Variants in AFF3 observed in about 807,000 individuals in gnomAD.
AFF3 encodes ALF transcription elongation factor 3.
AFF3 carries 32 observed loss-of-function variants against 129.7 expected under a neutral mutation model. That is an observed-to-expected ratio of 0.25 (90% CI 0.19 to 0.33). The LOEUF is 0.33. AFF3 is among the 10% of genes least tolerant of loss of function. The pLI, the probability that AFF3 is intolerant of heterozygous loss-of-function variation, is 1.00. For synonymous variants in AFF3, 644 were observed against 635.4 expected (o/e 1.01, Z -0.20); for missense variants, 1,373 against 1,592.0 (o/e 0.86, Z 2.34).
chr2:99,899,788 A>G (rs933884107), intron 7 of AFF3, among the ~76,000 whole-genome samples: 1 of 152,236 alleles, frequency 6.6e-6, no homozygotes, highest in African/African-American at 2.4e-5. Flanking sequence ...GTCAAGTCCT[A>G]ATGAAATAGA....
chr2:99,837,521 T>C lies in AFF3; in HGVS notation c.877A>G (p.Ser293Gly), dbSNP rs1380543795. The change falls in exon 8 of 25, where the codon AGT becomes GGT. Residue 293 changes from serine (S) to glycine (G), a missense_variant. Coordinates refer to ENST00000672756, the MANE Select transcript of AFF3 (RefSeq NM_001386135.1). Reference protein sequence around the residue: ...KFSIPKQGEESRSGETNSCVE... With the variant: ...KFSIPKQGEEGRSGETNSCVE... ...CAGCTGTTGGTTTCTCCAGATCTAC[T>C]CTCCTGAAAGCAAAGAAAAAAAAAT... 4.3e-6 allele frequency: 7 copies of C among 1,613,304 alleles called. No individual in the cohort carries two copies. Among genetic ancestry groups the C allele is most frequent in the Non-Finnish European group, 5.1e-6 (6 of 1,179,738 alleles).
chr2:99,662,655 C>G (rs1686350249), intron 12 of AFF3, among the ~76,000 whole-genome samples: 1 of 152,150 alleles, frequency 6.6e-6, no homozygotes, highest in Non-Finnish European at 1.5e-5. Context: ...CAAAAACTGT[C>G]TAGCTCTTGT....
At chr2:99,650,366 C>T (rs1685122438) in intron 12 of AFF3, among the ~76,000 whole-genome samples, 1 of 151,936 alleles carries the variant, frequency 6.6e-6, no homozygotes, top group African/African-American at 2.4e-5. Context: ...CAAGACCAGC[C>T]TGGCCAACAT....
intron 8 of AFF3, among the ~76,000 whole-genome samples, chr2:99,768,166 T>C (rs999531270): frequency 2.0e-5 from 3 of 152,210 alleles, no homozygotes; most frequent in African/African-American, 7.2e-5. Flanking sequence ...ATTGAAAAAG[T>C]ATTTATTGAA....
intron 4 of AFF3, among the ~76,000 whole-genome samples, chr2:100,043,042 A>T (rs1336046737): frequency 7.9e-5 from 12 of 151,046 alleles, no homozygotes; most frequent in Non-Finnish European, 1.5e-4. Flanking sequence ...TTTTTTTTTT[A>T]AACACAGAGA....
chr2:99,873,889 G>T (rs1692068517), intron 7 of AFF3, among the ~76,000 whole-genome samples: 1 of 152,058 alleles, frequency 6.6e-6, no homozygotes, highest in Admixed American at 6.6e-5. Context: ...TCTTTAAGAA[G>T]CTGGGCCGGG....
chr2:99,741,913 T>C (rs1680751894), intron 10 of AFF3, among the ~76,000 whole-genome samples: 1 of 152,208 alleles, frequency 6.6e-6, no homozygotes, highest in South Asian at 2.1e-4. Flanking sequence ...TCATGATTCC[T>C]AACCATATAC....
At chr2:100,045,099 C>T (rs1246379841) in intron 4 of AFF3, among the ~76,000 whole-genome samples, 1 of 151,914 alleles carries the variant, frequency 6.6e-6, no homozygotes, top group East Asian at 1.9e-4. Context: ...AGGGCTGTGG[C>T]TGGTCAGGAA....
intron 7 of AFF3, among the ~76,000 whole-genome samples, chr2:99,879,464 C>G (rs780978753): frequency 6.6e-6 from 1 of 152,274 alleles, no homozygotes; most frequent in East Asian, 1.9e-4. Context: ...AAAACTACAG[C>G]GTGTGTATCA....
chr2:99,999,330 G>A (rs569713435), intron 7 of AFF3, among the ~76,000 whole-genome samples: 26 of 152,308 alleles, frequency 1.7e-4, no homozygotes, highest in South Asian at 2.1e-4. Flanking sequence ...CAGGGATTAC[G>A]GAGGCCCCAA....
At chr2:99,952,003 TGC>T (rs1172652011) in intron 7 of AFF3, among the ~76,000 whole-genome samples, 10 of 152,246 alleles carry the variant, frequency 6.6e-5, no homozygotes, top group African/African-American at 2.4e-4. Context: ...TAAGCTGCCT[TGC>T]TTAGAGAGCA....
intron 4 of AFF3, among the ~76,000 whole-genome samples, chr2:100,068,952 T>G (rs948498404): frequency 7.2e-5 from 11 of 152,144 alleles, no homozygotes; most frequent in African/African-American, 9.7e-5. Flanking sequence ...AACCAAACCT[T>G]GTATTTTTTA....
intron 13 of AFF3, among the ~76,000 whole-genome samples, chr2:99,648,911 A>ACTCTCTCTCTCT (rs1310405470): frequency 3.9e-4 from 14 of 36,240 alleles, no homozygotes; most frequent in Non-Finnish European, 7.5e-4. Context: ...ACACACACAC[A>ACTCTCTCTCTCT]CACACACTCT....
intron 7 of AFF3, among the ~76,000 whole-genome samples, chr2:99,882,055 GTC>G (rs754624516): frequency 8.6e-4 from 127 of 147,304 alleles, no homozygotes; most frequent in Non-Finnish European, 9.1e-4. Flanking sequence ...TCATTTGCCT[GTC>G]TCTCTCTCTC....
chr2:99,721,620 T>C (rs1678901373), intron 11 of AFF3, among the ~76,000 whole-genome samples: 1 of 152,230 alleles, frequency 6.6e-6, no homozygotes, highest in Non-Finnish European at 1.5e-5. Flanking sequence ...CTTTGCACTG[T>C]ATTACATATT....
At chr2:99,603,025 C>T (rs1023189789) in intron 13 of AFF3, among the ~76,000 whole-genome samples, 3 of 152,178 alleles carry the variant, frequency 2.0e-5, no homozygotes, top group African/African-American at 7.2e-5. Context: ...ATTTCTTCCA[C>T]CAATGTCACG....
At chr2:99,987,990 T>C (rs1294235512) in intron 7 of AFF3, among the ~76,000 whole-genome samples, 2 of 152,026 alleles carry the variant, frequency 1.3e-5, no homozygotes, top group Non-Finnish European at 1.5e-5. Context: ...GTGCCAAGGA[T>C]ATAAAGATGA....
chr2:100,121,652 T>C (rs1047587443), intron 2 of AFF3, among the ~76,000 whole-genome samples: 3 of 152,148 alleles, frequency 2.0e-5, no homozygotes, highest in African/African-American at 7.2e-5. Flanking sequence ...TCAAAGCATA[T>C]GCAAAGGCAC....
intron 7 of AFF3, among the ~76,000 whole-genome samples, chr2:99,915,096 G>A (rs2106216389): frequency 6.6e-6 from 1 of 152,208 alleles, no homozygotes; most frequent in East Asian, 1.9e-4. Context: ...AATGAAAGGT[G>A]TAAGGGAATT....
Sources: gnomAD v4.1 joint callset for allele counts (sites outside exome capture counted in the v4.1 genomes callset) on GRCh38, gnomAD v4.1.1 for gene constraint, MANE v1.5 for transcripts, NCBI Gene and HGNC (gene_info 2026-07-23, HGNC 2026-07-21) for gene names.